Variants in KCNH8 observed in about 807,000 individuals in gnomAD.
KCNH8 encodes potassium voltage-gated channel subfamily H member 8, also known as voltage-gated delayed rectifier potassium channel KCNH8.
KCNH8 carries 70 observed loss-of-function variants against 103.6 expected under a neutral mutation model. The observed-to-expected ratio is 0.68, with a 90% CI of 0.56 to 0.82. The LOEUF is 0.82. KCNH8 is among the 40% of genes least tolerant of loss of function. The pLI is 0.00. For missense variants in KCNH8, 1,217 were observed against 1,329.9 expected (o/e 0.92, Z 1.32); for synonymous variants, 498 against 489.4 (o/e 1.02, Z -0.23).
At chr3:19,464,949 T>G (rs1373339710) in intron 11 of KCNH8, among the ~76,000 whole-genome samples, 2 of 152,182 alleles carry the variant, frequency 1.3e-5, no homozygotes, top group Non-Finnish European at 2.9e-5. Flanking sequence ...TAATTGAGAT[T>G]AGCAGAAATA....
chr3:19,524,775 T>C (rs2069034797), intron 15 of KCNH8, among the ~76,000 whole-genome samples: 2 of 152,012 alleles, frequency 1.3e-5, no homozygotes, highest in South Asian at 4.1e-4. Context: ...TAAAAACCAA[T>C]GTTGCATTCC....
At chr3:19,454,536 A>G (rs373635938) in intron 10 of KCNH8, among the ~76,000 whole-genome samples, 142 of 152,166 alleles carry the variant, frequency 9.3e-4, no homozygotes, top group African/African-American at 3.2e-3. Context: ...GTGTATTTTA[A>G]ATTTAGGTGG....
intron 5 of KCNH8, among the ~76,000 whole-genome samples, chr3:19,379,734 A>G (rs2066264185): frequency 6.6e-6 from 1 of 152,324 alleles, no homozygotes. Flanking sequence ...GCCAAATATC[A>G]CATTTGCATT....
chr3:19,332,428 CTTTTT>C (rs1176779704), intron 3 of KCNH8, among the ~76,000 whole-genome samples: 3 of 152,028 alleles, frequency 2.0e-5, no homozygotes, highest in Admixed American at 1.3e-4. Flanking sequence ...ATTGTTTATT[CTTTTT>C]TAAGTCTGAA....
At chr3:19,165,575 G>C (rs1325025523) in intron 1 of KCNH8, among the ~76,000 whole-genome samples, 3 of 152,016 alleles carry the variant, frequency 2.0e-5, no homozygotes, top group Admixed American at 1.3e-4. Context: ...CAGCCTTTTG[G>C]GTACTTTATT....
chr3:19,523,083 T>G (rs1033925403), intron 15 of KCNH8, among the ~76,000 whole-genome samples: 13 of 151,870 alleles, frequency 8.6e-5, no homozygotes, highest in Admixed American at 7.9e-4. Context: ...CGTTGTTAAC[T>G]TTAAGTGATA....
chr3:19,322,006 C>T (rs1167429956), intron 3 of KCNH8, among the ~76,000 whole-genome samples: 2 of 151,952 alleles, frequency 1.3e-5, no homozygotes, highest in Non-Finnish European at 2.9e-5. Flanking sequence ...AGAATAGCTA[C>T]TACTACTCAT....
chr3:19,502,945 A>C (rs2068618118), intron 11 of KCNH8, among the ~76,000 whole-genome samples: 1 of 152,064 alleles, frequency 6.6e-6, no homozygotes, highest in Admixed American at 6.5e-5. Context: ...ACTAAACTAA[A>C]GAGCTTCTGC....
chr3:19,289,801 A>C (rs904297721), intron 3 of KCNH8, among the ~76,000 whole-genome samples: 1 of 152,114 alleles, frequency 6.6e-6, no homozygotes, highest in Non-Finnish European at 1.5e-5. Flanking sequence ...TGGTATCTTG[A>C]TGTGGATGGC....
In KCNH8 at chr3:19,253,817, G is replaced by C. The variant is rs2064310739; in HGVS notation, c.240G>C (p.Met80Ile). The C allele has an allele frequency of 6.2e-7, 1 of 1,613,704 alleles. No individual in the cohort carries two copies. The change falls in exon 2 of 16, where the codon ATG (methionine) becomes ATC (isoleucine). Residue 80 changes from methionine to isoleucine, a missense_variant. By Grantham distance (10) the Met-to-Ile change is conservative. Around this residue, in one of 3 missense-constraint regions of KCNH8, gnomAD observed 244 missense variants for 256.8 expected, o/e 0.95. Transcript: ENST00000328405. The part of the protein sequence containing the change: ...LFGVETNEQL[M>I]LQIEKSLEEK... ...GGGTTGAAACCAATGAGCAACTGAT[G>C]CTTCAAATAGAAAAGTCACTGGAGG...
intron 11 of KCNH8, among the ~76,000 whole-genome samples, chr3:19,506,411 G>A (rs2068693804): frequency 6.6e-6 from 1 of 152,204 alleles, no homozygotes; most frequent in Non-Finnish European, 1.5e-5. Context: ...TGGTTTCACA[G>A]AGGAGTATAT....
chr3:19,301,919 A>G (rs1304791270), intron 3 of KCNH8, among the ~76,000 whole-genome samples: 1 of 152,208 alleles, frequency 6.6e-6, no homozygotes, highest in Non-Finnish European at 1.5e-5. Flanking sequence ...ACAAATGAAC[A>G]GACAAATTAA....
chr3:19,519,419 G>A (rs2068933135), intron 15 of KCNH8, among the ~76,000 whole-genome samples: 1 of 151,384 alleles, frequency 6.6e-6, no homozygotes, highest in South Asian at 2.1e-4. Context: ...AACTCTGCAG[G>A]TTTCTCTTAA....
chr3:19,398,200 G>A lies in KCNH8; in HGVS notation c.1177+2889G>A, dbSNP rs1234022083. Among the ~76,000 whole-genome samples, 4 of 151,928 alleles carry A rather than the reference G, an allele frequency of 2.6e-5. No individual in the cohort carries two copies. The Admixed American group carries it at 2.6e-4, about 10-fold the overall frequency. On this transcript the variant is annotated intron_variant, in intron 7 of 15. Coordinates refer to ENST00000328405, the MANE Select transcript of KCNH8 (RefSeq NM_144633.3). ...CATACTTGGTTCTGTGTTAGGCACTGGGGATACCAAAACAAATAATAGAGC... is the reference window on the plus strand; with the variant it reads ...CATACTTGGTTCTGTGTTAGGCACTAGGGATACCAAAACAAATAATAGAGC...
intron 14 of KCNH8, among the ~76,000 whole-genome samples, chr3:19,517,737 G>A (rs949861418): frequency 2.6e-5 from 4 of 151,936 alleles, no homozygotes; most frequent in African/African-American, 4.8e-5. Flanking sequence ...GACTGTACTC[G>A]GGGAAATGGG....
chr3:19,352,461 A>G (rs1173534913), intron 5 of KCNH8, among the ~76,000 whole-genome samples: 5 of 152,180 alleles, frequency 3.3e-5, no homozygotes, highest in Non-Finnish European at 7.3e-5. Flanking sequence ...CAATTATACC[A>G]AAATTGACCA....
At chr3:19,294,176 G>A (rs1198557889) in intron 3 of KCNH8, among the ~76,000 whole-genome samples, 2 of 152,006 alleles carry the variant, frequency 1.3e-5, no homozygotes, top group Non-Finnish European at 2.9e-5. Flanking sequence ...CTCTTCTGTT[G>A]TTAAGTTTAC....
At chr3:19,208,052 T>C (rs2125223029) in intron 1 of KCNH8, among the ~76,000 whole-genome samples, 1 of 152,148 alleles carries the variant, frequency 6.6e-6, no homozygotes, top group South Asian at 2.1e-4. Flanking sequence ...TTCAGTTGAA[T>C]TAATAAAACT....
chr3:19,170,439 CATTTTACAG>C (rs1189704119), intron 1 of KCNH8, among the ~76,000 whole-genome samples: 1 of 151,776 alleles, frequency 6.6e-6, no homozygotes, highest in African/African-American at 2.4e-5. Flanking sequence ...GAATTTAGAA[CATTTTACAG>C]TATCAGAGAG....
Sources: gnomAD v4.1 joint callset for allele counts (sites outside exome capture counted in the v4.1 genomes callset) on GRCh38, gnomAD v4.1.1 for gene constraint, gnomAD v4.1.1 regional missense constraint, MANE v1.5 for transcripts, NCBI Gene and HGNC (gene_info 2026-07-23, HGNC 2026-07-21) for gene names.